ACCSL: variants seen among roughly 807,000 people sequenced by gnomAD.
ACCSL encodes probable inactive 1-aminocyclopropane-1-carboxylate synthase-like protein 2.
A neutral mutation model predicts 61.7 loss-of-function variants in ACCSL; 55 were observed. The observed-to-expected ratio is 0.89, with a 90% CI of 0.72 to 1.12. ACCSL has a LOEUF of 1.12. Among genes scored for constraint, ACCSL ranks in the 50% most tolerant of loss-of-function variants. The pLI, the probability that ACCSL is intolerant of heterozygous loss-of-function variation, is 0.00. For missense variants in ACCSL, 632 were observed against 698.0 expected, an observed-to-expected ratio of 0.91 and a Z score of 1.07; for synonymous variants, 258 against 264.3, an observed-to-expected ratio of 0.98 and a Z score of 0.23.
At chr11:43,952,501 AG>A in the ACCSL span, among the ~76,000 whole-genome samples, 3 of 152,202 alleles carry the variant, frequency 2.0e-5, no homozygotes, top group Non-Finnish European at 2.9e-5. Flanking sequence ...TGACCTAACC[AG>A]TTATGTTATC....
chr11:43,941,075 T>G, the ACCSL span, among the ~76,000 whole-genome samples: 1 of 152,170 alleles, frequency 6.6e-6, no homozygotes. Flanking sequence ...AATAATATAG[T>G]GAACACATTG....
chr11:43,952,667 C>T, the ACCSL span, among the ~76,000 whole-genome samples: 16 of 152,282 alleles, frequency 1.1e-4, no homozygotes, highest in African/African-American at 3.9e-4. Context: ...GAGTTGTAAG[C>T]CCTTAAAAGG....
chr11:43,943,940 G>A, the ACCSL span: 7 of 1,041,576 alleles, frequency 6.7e-6, no homozygotes, highest in African/African-American at 1.7e-5. The surrounding 1 kb of genome is among the most constrained non-coding windows in gnomAD (Gnocchi z 4.8). Context: ...AAGACTCGGG[G>A]AGGTGGGGGA....
chr11:43,948,593 C>T, the ACCSL span, among the ~76,000 whole-genome samples: 1 of 152,194 alleles, frequency 6.6e-6, no homozygotes, highest in South Asian at 2.1e-4. Flanking sequence ...CCCACTTCAG[C>T]TTCCTGAGTA....
At chr11:43,997,348 A>G in the ACCSL span, among the ~76,000 whole-genome samples, 2 of 151,920 alleles carry the variant, frequency 1.3e-5, no homozygotes, top group Admixed American at 6.6e-5. Flanking sequence ...TCCAGAGAGG[A>G]TTCTTCCGGC....
chr11:43,972,862 G>T, the ACCSL span, among the ~76,000 whole-genome samples: 2 of 152,226 alleles, frequency 1.3e-5, no homozygotes, highest in Non-Finnish European at 2.9e-5. Context: ...TTTGAGAGAG[G>T]TTGGGTTTGA....
At chr11:43,942,929 A>T in the ACCSL span, 2 of 1,430,440 alleles carry the variant, frequency 1.4e-6, no homozygotes, top group Non-Finnish European at 1.8e-6. Context: ...CGGCGAGCTG[A>T]TGGGCATCTG....
At chr11:43,977,024 G>A in the ACCSL span, among the ~76,000 whole-genome samples, 2 of 152,190 alleles carry the variant, frequency 1.3e-5, no homozygotes. Context: ...GAATGGAAAT[G>A]GCCTCTTGAA....
the ACCSL span, among the ~76,000 whole-genome samples, chr11:43,937,666 C>T: frequency 3.3e-5 from 5 of 152,122 alleles, no homozygotes; most frequent in Non-Finnish European, 7.3e-5. Flanking sequence ...GCCTCCACCC[C>T]GCCCCCTCCA....
the ACCSL span, among the ~76,000 whole-genome samples, chr11:44,041,716 ATAT>A: frequency 6.6e-6 from 1 of 152,332 alleles, no homozygotes; most frequent in East Asian, 1.9e-4. Flanking sequence ...ACCTTGGCTA[ATAT>A]TCTTGGCTGA....
the ACCSL span, among the ~76,000 whole-genome samples, chr11:43,971,228 G>T: frequency 6.6e-6 from 1 of 150,410 alleles, no homozygotes; most frequent in African/African-American, 2.4e-5. Context: ...AGCTACTCAG[G>T]AGGCTGAGGC....
intron 1 of ACCSL, 25 bp downstream of exon 1, chr11:44,048,565 G>GCCCC: frequency 5.5e-6 from 1 of 182,114 alleles, no homozygotes; most frequent in Non-Finnish European, 9.9e-6. Context: ...TGGGGGGTGG[G>GCCCC]CAGCATCCTC....
At chr11:43,947,000 G>A in the ACCSL span, 2 of 152,236 alleles carry the variant, frequency 1.3e-5, no homozygotes, top group Non-Finnish European at 2.9e-5. Context: ...GTTGCTATAA[G>A]GGAATATCTG....
At chr11:43,965,567 C>T in the ACCSL span, among the ~76,000 whole-genome samples, 2 of 152,112 alleles carry the variant, frequency 1.3e-5, no homozygotes, top group African/African-American at 4.8e-5. Context: ...TATAAAAATA[C>T]CAATGACCTT....
At chr11:44,004,999 G>A in the ACCSL span, among the ~76,000 whole-genome samples, 4 of 152,250 alleles carry the variant, frequency 2.6e-5, no homozygotes, top group South Asian at 8.3e-4. Flanking sequence ...GTTTTTCGGA[G>A]GCCCACTGGT....
chr11:43,983,198 A>G, the ACCSL span, among the ~76,000 whole-genome samples: 4 of 152,206 alleles, frequency 2.6e-5, no homozygotes, highest in African/African-American at 7.2e-5. Context: ...CTCTCAAGGA[A>G]CTTGAGAGAG....
the ACCSL span, among the ~76,000 whole-genome samples, chr11:43,951,961 T>G: frequency 6.6e-6 from 1 of 151,906 alleles, no homozygotes; most frequent in South Asian, 2.1e-4. Context: ...AGATCGTGCC[T>G]CTGCACTCCA....
chr11:43,977,462 A>G, the ACCSL span, among the ~76,000 whole-genome samples: 1 of 152,164 alleles, frequency 6.6e-6, no homozygotes, highest in Non-Finnish European at 1.5e-5. Context: ...AAAGATGGTG[A>G]GAGGGGCCAC....
At chr11:44,019,005 T>C in the ACCSL span, among the ~76,000 whole-genome samples, 1 of 152,226 alleles carries the variant, frequency 6.6e-6, no homozygotes, top group African/African-American at 2.4e-5. Context: ...ATTTTCTGTC[T>C]GTATGAATTT....
Sources: gnomAD v4.1 joint callset for allele counts (sites outside exome capture counted in the v4.1 genomes callset) on GRCh38, gnomAD v4.1.1 for gene constraint, Gnocchi (gnomAD v3.1) non-coding constraint, MANE v1.5 for transcripts, NCBI Gene and HGNC (gene_info 2026-07-23, HGNC 2026-07-21) for gene names.